The following ZNF680 variants were observed in gnomAD, a reference collection of about 807,000 sequenced individuals.
The protein encoded by ZNF680 is zinc finger protein 680.
ZNF680 carries 6 observed loss-of-function variants against 12.1 expected under a neutral mutation model. The ratio of observed to expected loss-of-function variants is 0.49; its 90% CI spans 0.27 to 0.98. The LOEUF is 0.98. Among genes scored for constraint, ZNF680 ranks in the 50% least tolerant of loss-of-function variants. The pLI is 0.12. For synonymous variants in ZNF680, 170 were observed against 199.3 expected, an observed-to-expected ratio of 0.85 and a Z score of 1.24; for missense variants, 561 against 616.3, an observed-to-expected ratio of 0.91 and a Z score of 0.95.
chr7:64,517,978 C>T (rs1226137517), downstream of ZNF680, among the ~76,000 whole-genome samples: 1 of 152,006 alleles, frequency 6.6e-6, no homozygotes, highest in Non-Finnish European at 1.5e-5. Flanking sequence ...GCCTACATAA[C>T]ACTGAACAGG....
At chr7:64,560,540 G>A (rs766534142) in intron 1 of ZNF680, among the ~76,000 whole-genome samples, 5 of 152,186 alleles carry the variant, frequency 3.3e-5, no homozygotes, top group Non-Finnish European at 5.9e-5. Flanking sequence ...GGCTGGGTGC[G>A]GTGTCTCATG....
chr7:64,543,812 TA>T lies in ZNF680; in HGVS notation c.158-11del. 6.2e-7 allele frequency: 1 copy of T among 1,607,516 alleles called. No individual in the cohort carries two copies. The highest frequency in any genetic ancestry group is 8.5e-7 in the Non-Finnish European group (1 of 1,175,032). On this transcript the variant is annotated splice_polypyrimidine_tract_variant and intron_variant, in intron 2 of 3. Coordinates refer to ENST00000309683, the MANE Select transcript of ZNF680 (RefSeq NM_178558.5). Reference sequence around the variant, plus strand: ...TTAGAGACAGCAATACCTGTTTTATTAAAAATAAATAACATGAATCTTGCTC... The same window carrying T: ...TTAGAGACAGCAATACCTGTTTTATTAAAATAAATAACATGAATCTTGCTC...
At chr7:64,537,206 G>A (rs1372517164) in intron 3 of ZNF680, among the ~76,000 whole-genome samples, 10 of 152,108 alleles carry the variant, frequency 6.6e-5, no homozygotes, top group Admixed American at 6.5e-5. Flanking sequence ...AAACACACAG[G>A]CTGGGTGTAG....
chr7:64,552,669 C>CA (rs1462960941), intron 1 of ZNF680, among the ~76,000 whole-genome samples: 1 of 152,122 alleles, frequency 6.6e-6, no homozygotes, highest in Non-Finnish European at 1.5e-5. Flanking sequence ...ATGTACTCGT[C>CA]ATAATGTATG....
chr7:64,534,819 C>A (rs1786072424), intron 3 of ZNF680, among the ~76,000 whole-genome samples: 1 of 152,172 alleles, frequency 6.6e-6, no homozygotes, highest in Middle Eastern at 3.2e-3. Flanking sequence ...TAGGATACTA[C>A]TCAGCCATAA....
intron 3 of ZNF680, among the ~76,000 whole-genome samples, chr7:64,529,367 A>G (rs1317809180): frequency 6.6e-6 from 1 of 152,256 alleles, no homozygotes; most frequent in Non-Finnish European, 1.5e-5. Flanking sequence ...GCTAATAAGA[A>G]AGGCATCAGA....
chr7:64,527,041 C>G (rs1791892366), intron 3 of ZNF680, among the ~76,000 whole-genome samples: 1 of 152,158 alleles, frequency 6.6e-6, no homozygotes, highest in African/African-American at 2.4e-5. Flanking sequence ...AGTTCGAGGC[C>G]ATCCTGGCCA....
At chr7:64,518,275 C>T (rs1229742543), downstream of ZNF680, among the ~76,000 whole-genome samples, 1 of 151,960 alleles carries the variant, frequency 6.6e-6, no homozygotes, top group Non-Finnish European at 1.5e-5. Context: ...CTGCTATACA[C>T]CAACAGTGAC....
At chr7:64,513,516 A>G in the ZNF680 span, among the ~76,000 whole-genome samples, 1 of 152,188 alleles carries the variant, frequency 6.6e-6, no homozygotes, top group African/African-American at 2.4e-5. Context: ...GGGTTATAAA[A>G]GGTTTATAAA....
At chr7:64,519,524 G>C (rs1791427529), downstream of ZNF680, among the ~76,000 whole-genome samples, 1 of 151,688 alleles carries the variant, frequency 6.6e-6, no homozygotes, top group Non-Finnish European at 1.5e-5. Context: ...TATGAAAAAA[G>C]ATACTTGCAC....
At chr7:64,533,417 T>A (rs1785990586) in intron 3 of ZNF680, among the ~76,000 whole-genome samples, 1 of 152,028 alleles carries the variant, frequency 6.6e-6, no homozygotes, top group African/African-American at 2.4e-5. Flanking sequence ...CCTTTTACAG[T>A]AGCTGCAAAA....
At chr7:64,544,119 GAA>G in intron 2 of ZNF680, 185 bp downstream of exon 2, 1 of 795,916 alleles carries the variant, frequency 1.3e-6, no homozygotes, top group Non-Finnish European at 1.9e-6. Flanking sequence ...CAGGAATGTG[GAA>G]AGTTCAGGTC....
Position 64,562,973 on chromosome 7 carries a change from A to T in ZNF680, c.-19T>A. The T allele has an allele frequency of 1.9e-6, 3 of 1,613,134 alleles. No homozygotes were observed. On this transcript the variant is annotated 5_prime_UTR_variant, in exon 1 of 4. Transcript: ENST00000309683. ...CTGGCATCTTAGCTGTGCATCTCCC[A>T]ATACCTGCAGATAACGGAGTCACAG...
chr7:64,563,008 C>T lies in ZNF680; in HGVS notation c.-54G>A, dbSNP rs1394506987. 6.2e-7 allele frequency: 1 copy of T among 1,605,072 alleles called. No homozygotes were observed. The highest frequency in any genetic ancestry group is 8.5e-7 in the Non-Finnish European group (1 of 1,172,466). On this transcript the variant is annotated 5_prime_UTR_variant, in exon 1 of 4. Coordinates refer to ENST00000309683, the MANE Select transcript of ZNF680 (RefSeq NM_178558.5). ...GATAACGGAGTCACAGAGGCTGGGC[C>T]TCTAGGAGCAGAATACACAGAGCAG... is the stretch of plus-strand genomic sequence containing the variant.
At chr7:64,550,455 C>T (rs1479885923) in intron 1 of ZNF680, among the ~76,000 whole-genome samples, 1 of 152,100 alleles carries the variant, frequency 6.6e-6, no homozygotes, top group African/African-American at 2.4e-5. Context: ...CTCAAGATCC[C>T]GATTCAGAAT....
At chr7:64,512,872 G>C in the ZNF680 span, among the ~76,000 whole-genome samples, 1 of 151,900 alleles carries the variant, frequency 6.6e-6, no homozygotes, top group Non-Finnish European at 1.5e-5. Context: ...GAAGGCTGTG[G>C]TACCTTTCAG....
At chr7:64,503,202 A>T in the ZNF680 span, among the ~76,000 whole-genome samples, 1 of 152,152 alleles carries the variant, frequency 6.6e-6, no homozygotes, top group Non-Finnish European at 1.5e-5. Context: ...AAGAATTTAG[A>T]CAAAAATAAT....
At chr7:64,510,085 T>TG in the ZNF680 span, among the ~76,000 whole-genome samples, 1 of 149,336 alleles carries the variant, frequency 6.7e-6, no homozygotes, top group African/African-American at 2.5e-5. Context: ...TCTTACAAAT[T>TG]GGAGACCTAG....
chr7:64,538,776 A>G (rs765418253), intron 3 of ZNF680, among the ~76,000 whole-genome samples: 2 of 152,208 alleles, frequency 1.3e-5, no homozygotes, highest in Non-Finnish European at 2.9e-5. Flanking sequence ...CATCCAAACT[A>G]TGCAACGCAG....
Sources: allele counts gnomAD v4.1 joint callset (sites outside exome capture counted in the v4.1 genomes callset), GRCh38; gene constraint gnomAD v4.1.1; transcripts MANE v1.5; gene names NCBI Gene and HGNC (gene_info 2026-07-23, HGNC 2026-07-21).